The following PYY variants were observed in gnomAD, a reference collection of about 807,000 sequenced individuals.
PYY encodes the protein peptide tyrosine tyrosine.
Under a neutral mutation model 10.3 loss-of-function variants are expected in PYY, and 12 were observed. The ratio of observed to expected loss-of-function variants is 1.17; its 90% CI spans 0.75 to 1.89. PYY has a LOEUF of 1.89. PYY is among the 40% of genes most tolerant of loss of function. The pLI is 0.00. For missense variants in PYY, 141 were observed against 134.0 expected, an observed-to-expected ratio of 1.05 and a Z score of -0.26; for synonymous variants, 66 against 62.0, an observed-to-expected ratio of 1.06 and a Z score of -0.30.
At chr17:43,963,534 G>C (rs1597845400) in intron 2 of PYY, among the ~76,000 whole-genome samples, 1 of 101,920 alleles carries the variant, frequency 9.8e-6, no homozygotes, top group Non-Finnish European at 2.0e-5. Flanking sequence ...AAAGAAAGAA[G>C]GAAGAGAAGG....
chr17:43,961,141 G>A (rs1035990650), intron 2 of PYY, among the ~76,000 whole-genome samples: 6 of 151,844 alleles, frequency 4.0e-5, no homozygotes, highest in Non-Finnish European at 5.9e-5. Flanking sequence ...TGGGAGGATC[G>A]CTTGAGCCTG....
chr17:43,975,624 C>T (rs892505998), intron 1 of PYY, among the ~76,000 whole-genome samples: 1 of 150,724 alleles, frequency 6.6e-6, no homozygotes, highest in African/African-American at 2.4e-5. Context: ...GAGGCTGAGG[C>T]GGGACAATCA....
chr17:43,999,417 G>A (rs1207342683), intron 1 of PYY, among the ~76,000 whole-genome samples: 1 of 152,040 alleles, frequency 6.6e-6, no homozygotes, highest in Non-Finnish European at 1.5e-5. Context: ...TCCCAGAGTG[G>A]GGTTGAGGGG....
At chr17:43,970,579 A>T (rs1244110796) in intron 1 of PYY, among the ~76,000 whole-genome samples, 1 of 152,180 alleles carries the variant, frequency 6.6e-6, no homozygotes, top group African/African-American at 2.4e-5. Context: ...CAGAATAGAC[A>T]GTACAGAAAT....
intron 1 of PYY, among the ~76,000 whole-genome samples, chr17:43,976,864 C>T (rs778955337): frequency 1.3e-5 from 2 of 152,186 alleles, no homozygotes; most frequent in African/African-American, 2.4e-5. Context: ...TCCTCAAGGA[C>T]AAGGCAGGGG....
intron 1 of PYY, among the ~76,000 whole-genome samples, chr17:44,003,623 C>T: frequency 7.0e-6 from 1 of 143,346 alleles, no homozygotes; most frequent in Non-Finnish European, 1.5e-5. Flanking sequence ...ACACTGCACT[C>T]CAGCCTGGGC....
At chr17:43,962,629 GC>G (rs1371356553) in intron 2 of PYY, among the ~76,000 whole-genome samples, 1 of 152,222 alleles carries the variant, frequency 6.6e-6, no homozygotes, top group Admixed American at 6.5e-5. Context: ...CGTTGGAAGT[GC>G]CTGGGGCTTC....
At chr17:43,997,761 A>G (rs1010311636) in intron 1 of PYY, among the ~76,000 whole-genome samples, 1 of 152,080 alleles carries the variant, frequency 6.6e-6, no homozygotes, top group African/African-American at 2.4e-5. Flanking sequence ...CTTCGACCCT[A>G]TATCCCCCGC....
At chr17:44,000,933 G>A (rs1010593113) in intron 1 of PYY, among the ~76,000 whole-genome samples, 1 of 152,118 alleles carries the variant, frequency 6.6e-6, no homozygotes, top group South Asian at 2.1e-4. Context: ...GTGTACAGGG[G>A]CATTCCTCTA....
upstream of PYY, among the ~76,000 whole-genome samples, chr17:43,958,235 A>G (rs1279629934): frequency 6.6e-6 from 1 of 151,254 alleles, no homozygotes; most frequent in Admixed American, 6.6e-5. Flanking sequence ...TTCATGTCAT[A>G]AAATTTTTTT....
rs1028256424 is a variant in PYY at position 43,987,134 on chromosome 17, G to A, written c.-463+17257C>T. 2.6e-5 allele frequency among the ~76,000 whole-genome samples: 4 copies of A among 152,104 alleles called. No homozygotes were observed. Among genetic ancestry groups the A allele is most frequent in the African/African-American group, 7.2e-5 (3 of 41,414 alleles). ...GGTGGTCAGCACAGACATGGTGACC[G>A]TGGCCCTGAAACCATGTCTCTATTA... On this transcript the variant is annotated intron_variant, in intron 1 of 6. Transcript: ENST00000360085. The surrounding 1 kb of genome is among the most constrained non-coding windows in gnomAD (Gnocchi z 4.0).
chr17:43,977,920 C>T (rs2048859149), intron 1 of PYY, among the ~76,000 whole-genome samples: 1 of 152,142 alleles, frequency 6.6e-6, no homozygotes. Flanking sequence ...TGAATCTTGG[C>T]CGGGCACGGT....
chr17:44,002,052 G>C (rs2049031069), intron 1 of PYY, among the ~76,000 whole-genome samples: 1 of 152,168 alleles, frequency 6.6e-6, no homozygotes, highest in Non-Finnish European at 1.5e-5. Context: ...AGGCCCTGGA[G>C]GTGGCCCCAC....
intron 1 of PYY, among the ~76,000 whole-genome samples, chr17:43,973,048 A>G (rs1004314758): frequency 1.3e-5 from 2 of 152,042 alleles, no homozygotes; most frequent in Non-Finnish European, 2.9e-5. Flanking sequence ...TATGTTGCCC[A>G]GGCTGGTCTC....
chr17:43,953,621 T>C, intron 1 of PYY, 138 bp from the exon 2 acceptor site: 1 of 802,950 alleles, frequency 1.2e-6, no homozygotes, highest in Non-Finnish European at 1.9e-6. Context: ...CCGGGCTTGC[T>C]GTGTGTTCTT....
At chr17:43,972,297 T>C (rs2048800031) in intron 1 of PYY, among the ~76,000 whole-genome samples, 1 of 151,732 alleles carries the variant, frequency 6.6e-6, no homozygotes, top group African/African-American at 2.4e-5. Context: ...TGCTGCAACC[T>C]CCACCTCCCA....
At chr17:43,959,870 G>T (rs1033962908) in intron 2 of PYY, among the ~76,000 whole-genome samples, 1 of 152,190 alleles carries the variant, frequency 6.6e-6, no homozygotes, top group Non-Finnish European at 1.5e-5. Context: ...TGTGCTGCAG[G>T]TGCAGAAACT....
chr17:43,996,519 C>G (rs989700688), intron 1 of PYY, among the ~76,000 whole-genome samples: 1 of 152,104 alleles, frequency 6.6e-6, no homozygotes, highest in African/African-American at 2.4e-5. Context: ...GGCTGGAGTG[C>G]AGTGGTGTAA....
chr17:43,998,485 G>A (rs748558062), intron 1 of PYY, among the ~76,000 whole-genome samples: 3 of 152,138 alleles, frequency 2.0e-5, no homozygotes, highest in Non-Finnish European at 4.4e-5. Flanking sequence ...TTGAACCTGG[G>A]AGGTGGAGGT....
Sources: gnomAD v4.1 joint callset for allele counts (sites outside exome capture counted in the v4.1 genomes callset) on GRCh38, gnomAD v4.1.1 for gene constraint, Gnocchi (gnomAD v3.1) non-coding constraint, MANE v1.5 for transcripts, NCBI Gene and HGNC (gene_info 2026-07-23, HGNC 2026-07-21) for gene names.